RGSL1: variants seen among roughly 807,000 people sequenced by gnomAD.
RGSL1 encodes regulator of G protein signaling protein-like.
A neutral mutation model predicts 124.7 loss-of-function variants in RGSL1; 97 were observed. The observed-to-expected ratio is 0.78, with a 90% CI of 0.66 to 0.92. The LOEUF is 0.92. Ranked by LOEUF, RGSL1 falls within the 40% of genes least tolerant of loss-of-function variation. The pLI is 0.00. For missense variants in RGSL1, 1,233 were observed against 1,288.4 expected (o/e 0.96, Z 0.66); for synonymous variants, 424 against 438.1 (o/e 0.97, Z 0.40).
intron 10 of RGSL1, among the ~76,000 whole-genome samples, chr1:182,523,346 C>T (rs926522600): frequency 2.0e-5 from 3 of 151,584 alleles, no homozygotes; most frequent in African/African-American, 7.3e-5. Flanking sequence ...AGAATGTTTT[C>T]GTTTATTGAT....
chr1:182,521,736 G>A (rs924818778), intron 9 of RGSL1, among the ~76,000 whole-genome samples: 8 of 152,188 alleles, frequency 5.3e-5, no homozygotes, highest in African/African-American at 9.7e-5. Context: ...ATGTAACGAG[G>A]AGAGAGGCAA....
intron 14 of RGSL1, among the ~76,000 whole-genome samples, chr1:182,539,973 T>C (rs774067463): frequency 2.0e-5 from 3 of 152,202 alleles, no homozygotes; most frequent in Non-Finnish European, 4.4e-5. Context: ...GCAGAAACCT[T>C]AGGGATTAGC....
At chr1:182,512,802 T>A (rs912763512) in intron 9 of RGSL1, among the ~76,000 whole-genome samples, 1 of 152,176 alleles carries the variant, frequency 6.6e-6, no homozygotes, top group African/African-American at 2.4e-5. Flanking sequence ...GAAAAAGGGA[T>A]GGAGTGGGGA....
upstream of RGSL1, chr1:182,448,198 ATTTG>A (rs3030969): frequency 0.6 from 90,309 of 149,564 alleles, 27,461 homozygotes; most frequent in South Asian, 0.77. Flanking sequence ...AAACCAATTT[ATTTG>A]TTTGTTTGTT....
chr1:182,493,465 G>A (rs966445942), intron 9 of RGSL1, among the ~76,000 whole-genome samples: 16 of 152,308 alleles, frequency 1.1e-4, no homozygotes, highest in South Asian at 4.1e-4. Flanking sequence ...GTGAAGGGAT[G>A]TTTGTTAAGG....
At chr1:182,455,721 T>C (rs946375704) in intron 2 of RGSL1, among the ~76,000 whole-genome samples, 1 of 152,140 alleles carries the variant, frequency 6.6e-6, no homozygotes, top group African/African-American at 2.4e-5. Context: ...TTGGGGCAAA[T>C]TGTAAGTAAC....
At chr1:182,526,946 G>T (rs1658793341) in intron 10 of RGSL1, among the ~76,000 whole-genome samples, 1 of 152,178 alleles carries the variant, frequency 6.6e-6, no homozygotes, top group Admixed American at 6.5e-5. Context: ...TATTTGTAAA[G>T]AGGTTTAACT....
rs773767423 is a variant in RGSL1 at position 182,522,105 on chromosome 1, C to A, written c.1927C>A (p.Pro643Thr). The A allele has an allele frequency of 5.8e-6, 9 of 1,544,150 alleles. No homozygotes were observed. The highest frequency in any genetic ancestry group is 4.0e-5 in the Admixed American group (2 of 50,178). Residue 643 changes from proline to threonine, a missense_variant, in exon 10 of 22, where the codon CCC becomes ACC. Pro to Thr is a conservative substitution (Grantham distance 38). Transcript: ENST00000294854. ...TCTTGTAAGGAAGCCATCAATGAGA[C>A]CCAGGTGAGATATAGAATCTGTTTA... ...RTLVRKPSMR[P>T]RNLTEVLLNT...
At chr1:182,544,784 T>G (rs562465046) in intron 15 of RGSL1, among the ~76,000 whole-genome samples, 1 of 152,236 alleles carries the variant, frequency 6.6e-6, no homozygotes, top group South Asian at 2.1e-4. Flanking sequence ...TTGTAGCCTA[T>G]TTTATCTGAT....
At chr1:182,452,836 TC>T (rs1651961548) in intron 1 of RGSL1, among the ~76,000 whole-genome samples, 1 of 152,214 alleles carries the variant, frequency 6.6e-6, no homozygotes, top group South Asian at 2.1e-4. Context: ...TTTTCTTATA[TC>T]ATAACTACAT....
chr1:182,552,966 A>G (rs1287827539), intron 18 of RGSL1, among the ~76,000 whole-genome samples: 1 of 152,122 alleles, frequency 6.6e-6, no homozygotes, highest in African/African-American at 2.4e-5. Context: ...GTGCAATGGC[A>G]TGATCTTGGC....
intron 11 of RGSL1, among the ~76,000 whole-genome samples, chr1:182,529,599 G>A (rs1414139421): frequency 6.6e-6 from 1 of 152,136 alleles, no homozygotes; most frequent in African/African-American, 2.4e-5. Flanking sequence ...TGGTATTTTT[G>A]TGTGTTTGGT....
intron 6 of RGSL1, among the ~76,000 whole-genome samples, chr1:182,482,527 C>CA (rs1654788186): frequency 6.6e-6 from 1 of 152,172 alleles, no homozygotes; most frequent in Admixed American, 6.5e-5. Context: ...AAAATTACCA[C>CA]AAAAACAGTT....
Position 182,489,338 on chromosome 1 carries a change from C to A in RGSL1, c.1717+136C>A, listed in dbSNP as rs145704221. The A allele has an allele frequency of 1.6e-5, 12 of 748,934 alleles. No homozygotes were observed. The East Asian group carries it at 3.2e-4, about 20-fold the overall frequency. 46.4% of individuals were successfully genotyped at this position (748,934 alleles called of 1,614,324 possible). A position where few individuals can be genotyped will look rare whatever the true frequency, so the allele number is the denominator to read the frequency against. On this transcript the variant is annotated intron_variant, in intron 8 of 21. Transcript: ENST00000294854. ...TACCTAATTTGGTCATCAAAACAGCCTAAGAGGTAAGTACTAAGTAACTGA... is the reference window on the plus strand; with the variant it reads ...TACCTAATTTGGTCATCAAAACAGCATAAGAGGTAAGTACTAAGTAACTGA...
intron 9 of RGSL1, among the ~76,000 whole-genome samples, chr1:182,500,223 T>G (rs1449324198): frequency 6.6e-6 from 1 of 152,212 alleles, no homozygotes; most frequent in Non-Finnish European, 1.5e-5. Flanking sequence ...TTCATTCTTT[T>G]GTGGTTGAAT....
chr1:182,482,349 C>G (rs1345064478), intron 6 of RGSL1, among the ~76,000 whole-genome samples: 1 of 152,122 alleles, frequency 6.6e-6, no homozygotes, highest in South Asian at 2.1e-4. Context: ...ATTCTTGCCC[C>G]TCCTCATCAA....
intron 7 of RGSL1, chr1:182,488,630 G>A (rs1277021803): frequency 2.6e-6 from 1 of 386,722 alleles, no homozygotes; most frequent in Admixed American, 4.1e-5. Context: ...GGAGGCTGAG[G>A]CAGGAGAATG....
intron 14 of RGSL1, among the ~76,000 whole-genome samples, chr1:182,538,412 C>G (rs1659681355): frequency 6.6e-6 from 1 of 152,038 alleles, no homozygotes; most frequent in African/African-American, 2.4e-5. Context: ...CCTGTAATCC[C>G]AGCTACTCAG....
chr1:182,475,290 A>C (rs1654201890), intron 6 of RGSL1, among the ~76,000 whole-genome samples: 1 of 152,244 alleles, frequency 6.6e-6, no homozygotes, highest in African/African-American at 2.4e-5. Context: ...ACATTAGATA[A>C]AAGCAAGAGA....
Sources: allele counts gnomAD v4.1 joint callset (sites outside exome capture counted in the v4.1 genomes callset), GRCh38; gene constraint gnomAD v4.1.1; transcripts MANE v1.5; gene names NCBI Gene and HGNC (gene_info 2026-07-23, HGNC 2026-07-21).